Variants in PLCB4 observed in about 807,000 individuals in gnomAD.
PLCB4 encodes the protein phospholipase C beta 4.
In PLCB4, 77 loss-of-function variants were observed where a neutral mutation model predicts 178.8. That is an observed-to-expected ratio of 0.43 (90% CI 0.36 to 0.52). The LOEUF is 0.52. Among genes scored for constraint, PLCB4 ranks in the 20% least tolerant of loss-of-function variants. The pLI is 0.00. For synonymous variants in PLCB4, 496 were observed against 490.8 expected (o/e 1.01, Z -0.14); for missense variants, 1,024 against 1,453.4 (o/e 0.70, Z 4.80).
intron 9 of PLCB4, among the ~76,000 whole-genome samples, chr20:9,369,876 CAG>C (rs2036095527): frequency 1.3e-5 from 2 of 152,180 alleles, no homozygotes; most frequent in South Asian, 4.1e-4. Flanking sequence ...TCTGTGCTCA[CAG>C]GGGAGGCATT....
At chr20:9,307,924 T>C (rs1031212137) in intron 4 of PLCB4, 26 bp downstream of exon 4, 4 of 917,044 alleles carry the variant, frequency 4.4e-6, no homozygotes, top group East Asian at 2.5e-5. Context: ...TAATCTTTTC[T>C]CTCAAAACAT....
intron 2 of PLCB4, among the ~76,000 whole-genome samples, chr20:9,122,747 G>A (rs2146760148): frequency 6.6e-6 from 1 of 152,258 alleles, no homozygotes; most frequent in Middle Eastern, 3.4e-3. Context: ...AGCATTTACA[G>A]ACCATTAGCT....
At chr20:9,089,513 T>C (rs2090582693) in intron 1 of PLCB4, among the ~76,000 whole-genome samples, 1 of 152,132 alleles carries the variant, frequency 6.6e-6, no homozygotes, top group Non-Finnish European at 1.5e-5. Context: ...ATTTTTTCCA[T>C]GAGTGACAAA....
chr20:9,276,984 C>G (rs1356098022), intron 3 of PLCB4, among the ~76,000 whole-genome samples: 1 of 151,948 alleles, frequency 6.6e-6, no homozygotes, highest in Non-Finnish European at 1.5e-5. Context: ...TTGTCCCTAC[C>G]CCATAACTGC....
chr20:9,133,665 G>A (rs1171827161), intron 2 of PLCB4, among the ~76,000 whole-genome samples: 1 of 152,190 alleles, frequency 6.6e-6, no homozygotes, highest in Admixed American at 6.5e-5. Flanking sequence ...TGGAAAGAAT[G>A]AATGTTTGCG....
intron 16 of PLCB4, 122 bp from the exon 17 acceptor site, chr20:9,390,409 A>G (rs1334805051): frequency 3.6e-6 from 2 of 550,992 alleles, no homozygotes; most frequent in East Asian, 5.9e-5. Context: ...TCACATTAGC[A>G]TTAAGAGGAC....
At chr20:9,285,190 T>G (rs1309609638) in intron 3 of PLCB4, among the ~76,000 whole-genome samples, 3 of 151,834 alleles carry the variant, frequency 2.0e-5, no homozygotes. Context: ...ATTTAGAAAT[T>G]TTTAGCATTT....
At chr20:9,205,211 G>C (rs199581386) in intron 2 of PLCB4, among the ~76,000 whole-genome samples, 3 of 152,164 alleles carry the variant, frequency 2.0e-5, no homozygotes, top group Admixed American at 2.0e-4. Flanking sequence ...GTAAACAACC[G>C]TGAGATATTC....
At chr20:9,186,658 A>G (rs1450120987) in intron 2 of PLCB4, among the ~76,000 whole-genome samples, 1 of 152,128 alleles carries the variant, frequency 6.6e-6, no homozygotes, top group African/African-American at 2.4e-5. Context: ...GTGCCAAACG[A>G]GCTGCTGCCT....
chr20:9,259,709 A>G (rs940559590), intron 3 of PLCB4, among the ~76,000 whole-genome samples: 1 of 152,138 alleles, frequency 6.6e-6, no homozygotes, highest in East Asian at 1.9e-4. Flanking sequence ...CAGCATCCCA[A>G]CCATGTGTGG....
At chr20:9,240,685 G>C (rs1054977632) in intron 3 of PLCB4, among the ~76,000 whole-genome samples, 1 of 152,074 alleles carries the variant, frequency 6.6e-6, no homozygotes, top group African/African-American at 2.4e-5. Flanking sequence ...TTGCACATTT[G>C]TCCTTGCTTT....
intron 7 of PLCB4, among the ~76,000 whole-genome samples, chr20:9,340,882 T>C (rs2033110229): frequency 6.6e-6 from 1 of 152,178 alleles, no homozygotes; most frequent in Non-Finnish European, 1.5e-5. Context: ...CTGCCTTTCT[T>C]ATTGAAAGCC....
intron 3 of PLCB4, among the ~76,000 whole-genome samples, chr20:9,239,473 A>G (rs1198104746): frequency 6.6e-6 from 1 of 152,160 alleles, no homozygotes; most frequent in Non-Finnish European, 1.5e-5. Context: ...AAAACGTAAC[A>G]AATTTATTTA....
At chr20:9,435,290 C>A (rs564385063) in intron 28 of PLCB4, among the ~76,000 whole-genome samples, 6 of 152,338 alleles carry the variant, frequency 3.9e-5, no homozygotes, top group African/African-American at 1.4e-4. Context: ...CTCAGTTTGT[C>A]CTGACACTTT....
At chr20:9,188,341 G>C (rs1320890951) in intron 2 of PLCB4, among the ~76,000 whole-genome samples, 2 of 152,206 alleles carry the variant, frequency 1.3e-5, no homozygotes, top group Non-Finnish European at 2.9e-5. Context: ...GGCACTGTGT[G>C]GGAGTCACTT....
intron 2 of PLCB4, among the ~76,000 whole-genome samples, chr20:9,139,100 G>A (rs945096524): frequency 3.4e-4 from 51 of 152,212 alleles, no homozygotes; most frequent in Middle Eastern, 3.4e-3. Context: ...GAATGCCAAC[G>A]TCCAGAATTA....
At chr20:9,427,683 C>G (rs1428048468) in intron 28 of PLCB4, among the ~76,000 whole-genome samples, 1 of 152,178 alleles carries the variant, frequency 6.6e-6, no homozygotes, top group East Asian at 1.9e-4. Context: ...GGAAGCAGTT[C>G]CAGGGCTAAT....
intron 8 of PLCB4, among the ~76,000 whole-genome samples, chr20:9,364,958 A>G (rs916467667): frequency 6.6e-6 from 1 of 151,814 alleles, no homozygotes; most frequent in African/African-American, 2.4e-5. Context: ...GCTGGGAGTG[A>G]TGAGTCCTCA....
intron 3 of PLCB4, among the ~76,000 whole-genome samples, chr20:9,299,512 G>A (rs1252804360): frequency 5.9e-5 from 9 of 151,886 alleles, no homozygotes; most frequent in Non-Finnish European, 4.4e-5. Flanking sequence ...GATCAGACTC[G>A]TGTAATTTTA....
Sources: allele counts gnomAD v4.1 joint callset (sites outside exome capture counted in the v4.1 genomes callset), GRCh38; gene constraint gnomAD v4.1.1; transcripts MANE v1.5; gene names NCBI Gene and HGNC (gene_info 2026-07-23, HGNC 2026-07-21).